ITGB3BP: variants seen among roughly 807,000 people sequenced by gnomAD.
ITGB3BP encodes centromere protein R.
A neutral mutation model predicts 29.1 loss-of-function variants in ITGB3BP; 27 were observed. The ratio of observed to expected loss-of-function variants is 0.93; its 90% CI spans 0.68 to 1.28. ITGB3BP has a LOEUF of 1.28. Among genes scored for constraint, ITGB3BP ranks in the 50% most tolerant of loss-of-function variants. The pLI is 0.00. For missense variants in ITGB3BP, 192 were observed against 200.2 expected, an observed-to-expected ratio of 0.96 and a Z score of 0.25; for synonymous variants, 61 against 61.4, an observed-to-expected ratio of 0.99 and a Z score of 0.03.
intron 2 of ITGB3BP, 148 bp downstream of exon 2, chr1:63,508,380 G>A: frequency 2.2e-6 from 1 of 454,874 alleles, no homozygotes. Context: ...TATCTTATAT[G>A]CAGAAAATGG....
In ITGB3BP at chr1:63,478,783, T is replaced by C. The variant is rs761729867; in HGVS notation, c.235A>G (p.Thr79Ala). The change falls in exon 4 of 9, where the codon ACA becomes GCA. Residue 79 changes from threonine to alanine, a missense_variant. Physicochemically the swap from Thr to Ala is moderately conservative, Grantham distance 58. Coordinates refer to ENST00000271002, the MANE Select transcript of ITGB3BP (RefSeq NM_014288.5). ...HPSLTESKES[T>A]TKDNDEFMML... Reference sequence around the variant, plus strand: ...ACTTACTCATCATTGTCTTTTGTTGTAGATTCTTTGCTTTCAGTTAAACTG... The same window carrying C: ...ACTTACTCATCATTGTCTTTTGTTGCAGATTCTTTGCTTTCAGTTAAACTG... 4.8e-6 allele frequency: 7 copies of C among 1,464,996 alleles called. No homozygotes were observed. The highest frequency in any genetic ancestry group is 1.7e-4 in the Middle Eastern group (1 of 5,742). 90.7% of individuals were successfully genotyped at this position (1,464,996 alleles called of 1,614,324 possible).
At chr1:63,504,521 T>A (rs1326924362) in intron 2 of ITGB3BP, among the ~76,000 whole-genome samples, 2 of 152,136 alleles carry the variant, frequency 1.3e-5, no homozygotes, top group African/African-American at 4.8e-5. Context: ...CCTGCCTGAT[T>A]GCCCTGGCCA....
chr1:63,516,448 G>A (rs1375947802), intron 1 of ITGB3BP, among the ~76,000 whole-genome samples: 1 of 151,944 alleles, frequency 6.6e-6, no homozygotes, highest in African/African-American at 2.4e-5. Flanking sequence ...TCAACTGGGT[G>A]TGGCAGTGCT....
At chr1:63,522,255 T>C (rs1646467880) in intron 1 of ITGB3BP, among the ~76,000 whole-genome samples, 1 of 152,254 alleles carries the variant, frequency 6.6e-6, no homozygotes, top group African/African-American at 2.4e-5. Context: ...TTATCATTTC[T>C]GTACAGCTTT....
chr1:63,515,754 A>C (rs1221716268), intron 1 of ITGB3BP, among the ~76,000 whole-genome samples: 3 of 133,806 alleles, frequency 2.2e-5, no homozygotes, highest in African/African-American at 8.2e-5. Context: ...TGAACTCGGG[A>C]GGCGGAGGTT....
intron 2 of ITGB3BP, 113 bp downstream of exon 2, chr1:63,508,415 C>G: frequency 1.7e-6 from 1 of 590,180 alleles, no homozygotes; most frequent in Non-Finnish European, 3.0e-6. Context: ...TTATATCACA[C>G]TGTGATATAA....
upstream of ITGB3BP, among the ~76,000 whole-genome samples, chr1:63,526,489 C>G (rs1445141513): frequency 6.6e-6 from 1 of 152,152 alleles, no homozygotes; most frequent in Non-Finnish European, 1.5e-5. Flanking sequence ...AAAACCCTGA[C>G]ATATTTGTGC....
intron 4 of ITGB3BP, among the ~76,000 whole-genome samples, chr1:63,473,383 C>CGGGA (rs1645249178): frequency 1.4e-5 from 2 of 141,358 alleles, no homozygotes; most frequent in African/African-American, 2.7e-5. Context: ...CCGCCCCGTC[C>CGGGA]GGGAGGTGAG....
intron 4 of ITGB3BP, among the ~76,000 whole-genome samples, chr1:63,470,453 AACT>A (rs1645177139): frequency 1.3e-5 from 2 of 152,230 alleles, no homozygotes; most frequent in South Asian, 2.1e-4. Flanking sequence ...AACTAAGAAT[AACT>A]ACTAACTTTT....
Position 63,496,094 on chromosome 1 carries a change from A to ATT in ITGB3BP, c.49-5878_49-5877dup, listed in dbSNP as rs760733420. On this transcript the variant is annotated intron_variant, in intron 2 of 8. Coordinates refer to ENST00000271002, the MANE Select transcript of ITGB3BP (RefSeq NM_014288.5). ...TCCTACTTCATTCTGGGCCACTACA[A>ATT]TTTTTTTTTTTTTTTTGAGACACAG... Among the ~76,000 whole-genome samples the ATT allele has an allele frequency of 9.9e-3, 1,398 of 140,572 alleles. 27 individuals are homozygous for ATT. Among genetic ancestry groups the ATT allele is most frequent in the African/African-American group, 0.034 (1,301 of 38,368 alleles). 92.2% of individuals were successfully genotyped at this position (140,572 alleles called of 152,430 possible).
intron 4 of ITGB3BP, among the ~76,000 whole-genome samples, chr1:63,478,399 G>A (rs895048099): frequency 6.6e-6 from 1 of 152,190 alleles, no homozygotes; most frequent in African/African-American, 2.4e-5. Context: ...TGGCTTCACT[G>A]TTTCTAGCTC....
intron 4 of ITGB3BP, among the ~76,000 whole-genome samples, chr1:63,473,526 G>T (rs1374086719): frequency 7.0e-6 from 1 of 143,564 alleles, no homozygotes; most frequent in African/African-American, 2.6e-5. Context: ...GGAGGTGGGG[G>T]GTCAGCCCCC....
At chr1:63,503,726 C>G (rs200930518) in intron 2 of ITGB3BP, among the ~76,000 whole-genome samples, 41 of 151,998 alleles carry the variant, frequency 2.7e-4, no homozygotes, top group African/African-American at 8.5e-4. Flanking sequence ...CAGCTTTCTA[C>G]GTATGGCTAG....
rs1213115370 is a variant in ITGB3BP, at chr1:63,489,696, G to A, written c.184+387C>T. 2.6e-5 allele frequency among the ~76,000 whole-genome samples: 4 copies of A among 152,114 alleles called. No homozygotes were observed. In the East Asian group the frequency reaches 7.7e-4, roughly 29 times the overall value. ...GTGGGTAAAACTCAATGGAAACCAT[G>A]GATAAAAATAACATTTAGAAGTATC... On this transcript the variant is annotated intron_variant, in intron 3 of 8. Transcript: ENST00000271002.
chr1:63,455,060 T>C (rs1295578219), intron 4 of ITGB3BP, 92 bp from the exon 5 acceptor site: 5 of 633,584 alleles, frequency 7.9e-6, no homozygotes, highest in Non-Finnish European at 1.4e-5. Flanking sequence ...TAAAGGACCT[T>C]AGACTTAGGT....
At chr1:63,495,296 A>T (rs891989850) in intron 2 of ITGB3BP, among the ~76,000 whole-genome samples, 1 of 152,244 alleles carries the variant, frequency 6.6e-6, no homozygotes, top group African/African-American at 2.4e-5. Flanking sequence ...ACGTTTAACA[A>T]ATTTAGTCAA....
chr1:63,469,613 A>G (rs1331140470), intron 4 of ITGB3BP, among the ~76,000 whole-genome samples: 1 of 152,222 alleles, frequency 6.6e-6, no homozygotes, highest in African/African-American at 2.4e-5. Flanking sequence ...GGCGTGACCC[A>G]CCATGCCTGA....
chr1:63,459,286 T>G (rs1451106651), intron 4 of ITGB3BP, among the ~76,000 whole-genome samples: 1 of 152,200 alleles, frequency 6.6e-6, no homozygotes, highest in Non-Finnish European at 1.5e-5. Context: ...AGTATTCTAA[T>G]ACAGCATTCT....
chr1:63,468,897 A>G (rs1557620712), intron 4 of ITGB3BP, among the ~76,000 whole-genome samples: 1 of 134,704 alleles, frequency 7.4e-6, no homozygotes, highest in South Asian at 2.2e-4. Flanking sequence ...AAATAAATAA[A>G]TAAATAAGGT....
Sources: allele counts gnomAD v4.1 joint callset (sites outside exome capture counted in the v4.1 genomes callset), GRCh38; gene constraint gnomAD v4.1.1; transcripts MANE v1.5; gene names NCBI Gene and HGNC (gene_info 2026-07-23, HGNC 2026-07-21).